PDE2A: variants seen among roughly 807,000 people sequenced by gnomAD.
The protein encoded by PDE2A is cGMP-dependent 3',5'-cyclic phosphodiesterase.
PDE2A carries 53 observed loss-of-function variants against 133.6 expected under a neutral mutation model. The ratio of observed to expected loss-of-function variants is 0.40; its 90% CI spans 0.32 to 0.50. The LOEUF is 0.50. Among genes scored for constraint, PDE2A ranks in the 20% least tolerant of loss-of-function variants. PDE2A has a pLI of 0.73. For missense variants in PDE2A, 796 were observed against 1,232.4 expected (o/e 0.65, Z 5.30); for synonymous variants, 491 against 490.2 (o/e 1.00, Z -0.02).
chr11:72,609,053 G>A (rs192701683), intron 2 of PDE2A, among the ~76,000 whole-genome samples: 1 of 152,268 alleles, frequency 6.6e-6, no homozygotes, highest in Admixed American at 6.5e-5. Context: ...TTCTCTAGTC[G>A]AGGACAATTC....
intron 1 of PDE2A, among the ~76,000 whole-genome samples, chr11:72,659,010 T>G (rs2135455846): frequency 6.6e-6 from 1 of 152,212 alleles, no homozygotes. Flanking sequence ...AAGTCTTGCT[T>G]TGCACATTTT....
chr11:72,645,032 G>A (rs1461011391), intron 1 of PDE2A, among the ~76,000 whole-genome samples: 1 of 152,192 alleles, frequency 6.6e-6, no homozygotes, highest in African/African-American at 2.4e-5. Flanking sequence ...TGGGATTACA[G>A]GTGTGAGCCA....
At chr11:72,647,256 A>G (rs1859153112) in intron 1 of PDE2A, among the ~76,000 whole-genome samples, 1 of 152,158 alleles carries the variant, frequency 6.6e-6, no homozygotes, top group South Asian at 2.1e-4. Flanking sequence ...GTTGCCATGG[A>G]CCATGGTTAC....
chr11:72,631,055 T>G, intron 2 of PDE2A: 2 of 898,616 alleles, frequency 2.2e-6, no homozygotes, highest in Non-Finnish European at 3.3e-6. Context: ...GCCCACCCAC[T>G]TCTCCCTCCA....
chr11:72,597,646 G>A lies in PDE2A; in HGVS notation c.324-27C>T. ...TGAAAAGAGGACATGATGCCACCTTGAGAGCCCCCGACTCAGGGAGGAACG... is the reference window on the plus strand; with the variant it reads ...TGAAAAGAGGACATGATGCCACCTTAAGAGCCCCCGACTCAGGGAGGAACG... On this transcript the variant is annotated intron_variant, in intron 4 of 30. Coordinates refer to ENST00000334456, the MANE Select transcript of PDE2A (RefSeq NM_002599.5). This position sits in a 1 kb window ranked among gnomAD's most constrained non-coding sequence, Gnocchi z 4.6. 1 of 1,471,462 alleles carries A rather than the reference G, an allele frequency of 6.8e-7. No homozygotes were observed. The highest frequency in any genetic ancestry group is 9.5e-7 in the Non-Finnish European group (1 of 1,055,420). 91.2% of individuals were successfully genotyped at this position (1,471,462 alleles called of 1,614,324 possible).
intron 1 of PDE2A, among the ~76,000 whole-genome samples, chr11:72,660,550 T>G (rs1855024068): frequency 3.3e-5 from 5 of 152,162 alleles, no homozygotes; most frequent in Admixed American, 3.3e-4. Context: ...TTAATCCTCA[T>G]GGCTGCCCTA....
intron 1 of PDE2A, among the ~76,000 whole-genome samples, chr11:72,670,805 C>A (rs980917064): frequency 6.6e-6 from 1 of 152,030 alleles, no homozygotes; most frequent in Non-Finnish European, 1.5e-5. Context: ...GTTGCTGGGC[C>A]CTGCGGAGAA....
intron 2 of PDE2A, among the ~76,000 whole-genome samples, chr11:72,636,332 C>A (rs767703579): frequency 6.6e-6 from 1 of 151,708 alleles, no homozygotes; most frequent in Non-Finnish European, 1.5e-5. Flanking sequence ...CATTTTTACT[C>A]ATTTTGGAAT....
chr11:72,655,513 GTGTGTGTGTGCA>G (rs963247175), intron 1 of PDE2A, among the ~76,000 whole-genome samples: 1 of 150,828 alleles, frequency 6.6e-6, no homozygotes, highest in African/African-American at 2.5e-5. Flanking sequence ...GCACGCACGT[GTGTGTGTGTGCA>G]TGTGTGTGTG....
intron 3 of PDE2A, among the ~76,000 whole-genome samples, chr11:72,606,827 G>A (rs998790108): frequency 4.6e-5 from 7 of 152,176 alleles, no homozygotes; most frequent in Non-Finnish European, 1.0e-4. Flanking sequence ...ACAGATTCTC[G>A]CTTCACTTCC....
chr11:72,608,780 C>T lies in PDE2A; in HGVS notation c.145-29G>A, dbSNP rs771828949. On this transcript the variant is annotated intron_variant, in intron 2 of 30. Transcript: ENST00000334456. ...GAAGAGAGGAGAGGGCAGTGAGAGG[C>T]TTTGCCAGGCAGGCCAGGGCAGCCC... 5 of 1,323,600 alleles carry T rather than the reference C, an allele frequency of 3.8e-6. No homozygotes were observed. In the Admixed American group the frequency reaches 9.9e-5, roughly 26 times the overall value. 82.0% of individuals were successfully genotyped at this position (1,323,600 alleles called of 1,614,324 possible). A position where few individuals can be genotyped will look rare whatever the true frequency, so the allele number is the denominator to read the frequency against.
chr11:72,606,273 A>G (rs539486557), intron 3 of PDE2A, among the ~76,000 whole-genome samples: 1 of 152,068 alleles, frequency 6.6e-6, no homozygotes, highest in South Asian at 2.1e-4. Context: ...CCGCAGGAGG[A>G]TGGAGAAGGG....
intron 2 of PDE2A, among the ~76,000 whole-genome samples, chr11:72,619,575 C>T (rs1047176180): frequency 1.3e-5 from 2 of 152,176 alleles, no homozygotes; most frequent in African/African-American, 4.8e-5. Flanking sequence ...GTGGGAGTGA[C>T]CATGTGGGCC....
chr11:72,636,542 C>T lies in PDE2A; in HGVS notation c.144+5712G>A, dbSNP rs572496184. On this transcript the variant is annotated intron_variant, in intron 2 of 30. Coordinates refer to ENST00000334456, the MANE Select transcript of PDE2A (RefSeq NM_002599.5). The stretch of plus-strand genomic sequence containing the variant: ...ATCTCCTCTGAGGCTTTTCCAAGAC[C>T]TTTTGGTCCTTAAAGGGCCCTGACA... Among the ~76,000 whole-genome samples, 163 of 152,236 alleles carry T rather than the reference C, an allele frequency of 1.1e-3. 1 individual carries two copies. The highest frequency in any genetic ancestry group is 1.9e-3 in the Non-Finnish European group (126 of 68,004).
At chr11:72,634,149 A>T (rs80025858) in intron 2 of PDE2A, among the ~76,000 whole-genome samples, 3 of 152,076 alleles carry the variant, frequency 2.0e-5, no homozygotes, top group African/African-American at 7.2e-5. Flanking sequence ...GCAAGCGGAG[A>T]TGAGAAGAGG....
At chr11:72,631,254 C>A (rs965342451) in intron 2 of PDE2A, 58 of 753,502 alleles carry the variant, frequency 7.7e-5, no homozygotes, top group East Asian at 1.2e-4. Flanking sequence ...CTCCAGGGAG[C>A]CTTGCCTGCT....
At chr11:72,642,411 G>T (rs770126119) in intron 1 of PDE2A, 85 bp from the exon 2 acceptor site, 5 of 1,266,346 alleles carry the variant, frequency 3.9e-6, no homozygotes, top group Non-Finnish European at 5.0e-6. Flanking sequence ...CGGCCCGGCC[G>T]CTGCGCTCGG....
chr11:72,638,678 A>G (rs1030341789), intron 2 of PDE2A, among the ~76,000 whole-genome samples: 33 of 105,020 alleles, frequency 3.1e-4, no homozygotes, highest in East Asian at 4.7e-4. Flanking sequence ...GGACAATTGC[A>G]TGAGTTAACC....
At chr11:72,628,142 G>A (rs930370570) in intron 2 of PDE2A, among the ~76,000 whole-genome samples, 1 of 152,210 alleles carries the variant, frequency 6.6e-6, no homozygotes, top group Non-Finnish European at 1.5e-5. Context: ...TCTCACAGGG[G>A]TACAGCCTAG....
Sources: allele counts gnomAD v4.1 joint callset (sites outside exome capture counted in the v4.1 genomes callset), GRCh38; gene constraint gnomAD v4.1.1; non-coding constraint Gnocchi (gnomAD v3.1); transcripts MANE v1.5; gene names NCBI Gene and HGNC (gene_info 2026-07-23, HGNC 2026-07-21).